NRXN1: variants seen among roughly 807,000 people sequenced by gnomAD.
NRXN1 encodes the protein neurexin-1.
Under a neutral mutation model 150.9 loss-of-function variants are expected in NRXN1, and 39 were observed. The ratio of observed to expected loss-of-function variants is 0.26; its 90% CI spans 0.20 to 0.34. The LOEUF is 0.34. NRXN1 is among the 10% of genes least tolerant of loss of function. The probability of loss-of-function intolerance (pLI) is 1.00; values close to 1 mark genes in which losing one functional copy is unlikely to be tolerated. For missense variants in NRXN1, 1,815 were observed against 1,949.9 expected (o/e 0.93, Z 1.30); for synonymous variants, 924 against 757.0 (o/e 1.22, Z -3.62).
intron 5 of NRXN1, among the ~76,000 whole-genome samples, chr2:50,630,216 T>C (rs760245427): frequency 1.3e-5 from 2 of 151,538 alleles, no homozygotes; most frequent in East Asian, 1.9e-4. Flanking sequence ...AAACTTCTTA[T>C]AGAAAAAAAA....
chr2:50,687,162 G>C (rs2104845152), intron 5 of NRXN1, among the ~76,000 whole-genome samples: 1 of 152,240 alleles, frequency 6.6e-6, no homozygotes, highest in African/African-American at 2.4e-5. Flanking sequence ...ATAGGAAAAA[G>C]TCAGTAGGGT....
chr2:50,510,884 C>CAGT (rs1414306041), intron 12 of NRXN1, among the ~76,000 whole-genome samples: 1 of 152,118 alleles, frequency 6.6e-6, no homozygotes, highest in Admixed American at 6.6e-5. Flanking sequence ...TTCAGCTCTA[C>CAGT]AGGCTAATGT....
At chr2:50,163,988 G>A (rs1011706994) in intron 18 of NRXN1, among the ~76,000 whole-genome samples, 9 of 151,936 alleles carry the variant, frequency 5.9e-5, no homozygotes, top group Non-Finnish European at 1.2e-4. Context: ...CAAACCCTAT[G>A]GTTTTCCCTT....
At chr2:50,004,597 G>C (rs1684466280) in intron 21 of NRXN1, among the ~76,000 whole-genome samples, 1 of 152,012 alleles carries the variant, frequency 6.6e-6, no homozygotes, top group African/African-American at 2.4e-5. Context: ...TTTTCCTTCT[G>C]AAAATTTGTA....
rs1223900353 is a variant in NRXN1, at chr2:50,577,751, T to C, written c.1321-24726A>G. ...ACACACACACACACACTAAATGGTA[T>C]GTCTTTTGAAAGGAAATAACTAAAT... On this transcript the variant is annotated intron_variant, in intron 8 of 22. Transcript: ENST00000401669. 2.6e-5 allele frequency among the ~76,000 whole-genome samples: 4 copies of C among 151,772 alleles called. No individual in the cohort carries two copies. The South Asian group carries it at 8.3e-4, about 32-fold the overall frequency.
chr2:50,619,468 C>T (rs560153144), intron 8 of NRXN1: 1 of 154,264 alleles, frequency 6.5e-6, no homozygotes, highest in South Asian at 2.1e-4. Context: ...GTTTGATGAT[C>T]TTGCTCAGAT....
At chr2:50,697,784 T>C (rs1490846416) in intron 5 of NRXN1, among the ~76,000 whole-genome samples, 2 of 152,200 alleles carry the variant, frequency 1.3e-5, no homozygotes, top group Non-Finnish European at 2.9e-5. Flanking sequence ...TGCCCACATC[T>C]TTGTTTCATT....
At chr2:50,867,904 C>G (rs935669647) in intron 5 of NRXN1, among the ~76,000 whole-genome samples, 1 of 151,496 alleles carries the variant, frequency 6.6e-6, no homozygotes. Context: ...ATTTTTTTCA[C>G]TGTAGAACAA....
intron 5 of NRXN1, among the ~76,000 whole-genome samples, chr2:50,658,905 T>C (rs1200961616): frequency 1.3e-5 from 2 of 151,994 alleles, no homozygotes; most frequent in African/African-American, 2.4e-5. Flanking sequence ...CACATCACAG[T>C]ACAGCACTGA....
In NRXN1 at chr2:50,261,578, G is replaced by A. The variant is rs1040567366; in HGVS notation, c.3365-24608C>T. ...ATACTTATGGAACTCTAATGCCCTA[G>A]GTTATTGTATAAAAGTGATATGTGT... On this transcript the variant is annotated intron_variant, in intron 17 of 22. Coordinates refer to ENST00000401669, the MANE Select transcript of NRXN1 (RefSeq NM_001330078.2). 1.4e-4 allele frequency among the ~76,000 whole-genome samples: 22 copies of A among 151,864 alleles called. No homozygotes were observed. The East Asian group carries it at 3.3e-3, about 23-fold the overall frequency.
At chr2:50,941,465 T>C (rs759913364) in intron 2 of NRXN1, among the ~76,000 whole-genome samples, 1 of 152,088 alleles carries the variant, frequency 6.6e-6, no homozygotes, top group Admixed American at 6.6e-5. Context: ...AAAATACTGA[T>C]AGTGATATTA....
chr2:50,234,342 A>C (rs1260411381), intron 18 of NRXN1, among the ~76,000 whole-genome samples: 1 of 152,000 alleles, frequency 6.6e-6, no homozygotes, highest in Admixed American at 6.6e-5. Flanking sequence ...GCATATACAA[A>C]AATTAGCTGG....
chr2:50,772,930 G>A (rs1223939087), intron 5 of NRXN1, among the ~76,000 whole-genome samples: 4 of 152,102 alleles, frequency 2.6e-5, no homozygotes, highest in Non-Finnish European at 5.9e-5. Flanking sequence ...AACAAAAGGA[G>A]GAGCCTCGTC....
intron 17 of NRXN1, among the ~76,000 whole-genome samples, chr2:50,327,646 CCTTT>C (rs1443059662): frequency 4.0e-5 from 6 of 151,402 alleles, no homozygotes; most frequent in South Asian, 4.2e-4. Flanking sequence ...TTCCTTTCCT[CCTTT>C]CTTTCTTTTT....
In NRXN1 at chr2:50,141,957, T is replaced by A. The variant is rs1185982114; in HGVS notation, c.3547-50463A>T. On this transcript the variant is annotated intron_variant, in intron 18 of 22. Coordinates refer to ENST00000401669, the MANE Select transcript of NRXN1 (RefSeq NM_001330078.2). ...CAGCAATCCCACTACTGGGTATTTA[T>A]CCAAAGGAAAGGAAATCAGTTCAAA... Among the ~76,000 whole-genome samples the A allele has an allele frequency of 2.0e-5, 3 of 152,004 alleles. No individual in the cohort carries two copies. The East Asian group carries it at 5.8e-4, about 29-fold the overall frequency.
chr2:49,998,370 C>T (rs61073961), intron 21 of NRXN1, among the ~76,000 whole-genome samples: 72,275 of 151,924 alleles, frequency 0.48, 17,756 homozygotes, highest in Middle Eastern at 0.62. Flanking sequence ...TACACATGTA[C>T]ATATTTTTAA....
intron 18 of NRXN1, among the ~76,000 whole-genome samples, chr2:50,219,954 A>C (rs191941052): frequency 1.2e-5 from 1 of 82,214 alleles, no homozygotes; most frequent in Non-Finnish European, 2.1e-5. Flanking sequence ...TATATATATA[A>C]TATATATATT....
intron 18 of NRXN1, among the ~76,000 whole-genome samples, chr2:50,120,784 C>G (rs1703747140): frequency 6.6e-6 from 1 of 152,118 alleles, no homozygotes; most frequent in South Asian, 2.1e-4. Flanking sequence ...TAAACAAAAC[C>G]TCTCACTTAT....
At chr2:50,881,153 T>C (rs773218904) in intron 5 of NRXN1, among the ~76,000 whole-genome samples, 10 of 151,952 alleles carry the variant, frequency 6.6e-5, no homozygotes, top group African/African-American at 1.7e-4. Flanking sequence ...AGATGTGCAA[T>C]GTAAGAGTCC....
Sources: allele counts gnomAD v4.1 joint callset (sites outside exome capture counted in the v4.1 genomes callset), GRCh38; gene constraint gnomAD v4.1.1; transcripts MANE v1.5; gene names NCBI Gene and HGNC (gene_info 2026-07-23, HGNC 2026-07-21).